Variants in ATP1A4 observed in about 807,000 individuals in gnomAD.
The protein encoded by ATP1A4 is ATPase Na+/K+ transporting subunit alpha 4, also known as sodium/potassium-transporting ATPase subunit alpha-4.
A neutral mutation model predicts 114.3 loss-of-function variants in ATP1A4; 90 were observed. The ratio of observed to expected loss-of-function variants is 0.79; its 90% CI spans 0.66 to 0.94. ATP1A4 has a LOEUF of 0.94. ATP1A4 is among the 40% of genes least tolerant of loss of function. The probability of loss-of-function intolerance (pLI) is 0.00; values close to 1 mark genes in which losing one functional copy is unlikely to be tolerated. For synonymous variants in ATP1A4, 511 were observed against 494.1 expected (o/e 1.03, Z -0.45); for missense variants, 1,222 against 1,313.6 (o/e 0.93, Z 1.08).
chr1:160,173,542 A>G (rs1653341306), intron 12 of ATP1A4, 39 bp from the exon 13 acceptor site: 2 of 1,600,770 alleles, frequency 1.2e-6, no homozygotes, highest in African/African-American at 2.7e-5. Context: ...CGGGCTCTGA[A>G]GATGATTCTG....
chr1:160,173,650 GA>G lies in ATP1A4; in HGVS notation c.1926del (p.Gly643AlafsTer34). 6.2e-7 allele frequency: 1 copy of G among 1,614,174 alleles called. No individual in the cohort carries two copies. Among genetic ancestry groups the G allele is most frequent in the Non-Finnish European group, 8.5e-7 (1 of 1,180,038 alleles). Reference sequence around the variant, plus strand: ...TGCCAAGGGTGTGGGCATCATCTCAGAAGGCACTGAGACGGCAGAGGAAGTC... The same window carrying G: ...TGCCAAGGGTGTGGGCATCATCTCAGAGGCACTGAGACGGCAGAGGAAGTC... ...AIAKGVGIIS[E>X]GTETAEEVAA... On this transcript the variant is annotated frameshift_variant, in exon 13 of 22. Transcript: ENST00000368081. LOFTEE classifies it high-confidence loss of function.
In ATP1A4 at chr1:160,154,900, A is replaced by T. The variant is rs1224750674; in HGVS notation, c.208-145A>T. The T allele has an allele frequency of 5.5e-6, 4 of 724,848 alleles. No individual in the cohort carries two copies. In the African/African-American group the frequency reaches 7.0e-5, roughly 13 times the overall value. 44.9% of individuals were successfully genotyped at this position (724,848 alleles called of 1,614,324 possible). A position where few individuals can be genotyped will look rare whatever the true frequency, so the allele number is the denominator to read the frequency against. On this transcript the variant is annotated intron_variant, in intron 2 of 21. Coordinates refer to ENST00000368081, the MANE Select transcript of ATP1A4 (RefSeq NM_144699.4). Reference sequence around the variant, plus strand: ...AATGCAAATTTTGAAACCTCACCTTATCCAGGAAGAACTTCCAGACTGACC... The same window carrying T: ...AATGCAAATTTTGAAACCTCACCTTTTCCAGGAAGAACTTCCAGACTGACC...
chr1:160,154,724 G>A (rs1286692512), intron 2 of ATP1A4, among the ~76,000 whole-genome samples: 2 of 152,054 alleles, frequency 1.3e-5, no homozygotes, highest in Non-Finnish European at 2.9e-5. Flanking sequence ...TCTCCCCACT[G>A]GAGCACCTTA....
intron 7 of ATP1A4, among the ~76,000 whole-genome samples, chr1:160,165,633 G>C (rs1653002766): frequency 6.6e-6 from 1 of 151,842 alleles, no homozygotes; most frequent in Non-Finnish European, 1.5e-5. Flanking sequence ...CATGGTGGCT[G>C]GCGCCTGTAG....
intron 7 of ATP1A4, 24 bp from the exon 8 acceptor site, chr1:160,166,504 T>A (rs1303192797): frequency 6.8e-6 from 11 of 1,613,466 alleles, no homozygotes; most frequent in Non-Finnish European, 9.3e-6. Context: ...CCATGTGTAT[T>A]CTCTCCTCTC....
intron 1 of ATP1A4, 124 bp from the exon 2 acceptor site, chr1:160,153,041 G>T (rs751450881): frequency 4.8e-5 from 36 of 755,520 alleles, no homozygotes; most frequent in Middle Eastern, 4.8e-4. Context: ...AAAAAGAATT[G>T]CAGGGAGCTT....
chr1:160,181,717 T>A lies in ATP1A4; in HGVS notation c.2770T>A (p.Cys924Ser), dbSNP rs780196294. Residue 924 changes from cysteine to serine, a missense_variant, in exon 19 of 22, where the codon TGC becomes AGC. Coordinates refer to ENST00000368081, the MANE Select transcript of ATP1A4 (RefSeq NM_144699.4). The stretch of plus-strand genomic sequence containing the variant: ...GCAACGAAAAGTTGTGGAGTTCACA[T>A]GCCAAACGGCCTTTTTTGTCACCAT... ...YEQRKVVEFT[C>S]QTAFFVTIVV... 2 of 1,614,180 alleles carry A rather than the reference T, an allele frequency of 1.2e-6. No homozygotes were observed. Among genetic ancestry groups the A allele is most frequent in the South Asian group, 2.2e-5 (2 of 91,082 alleles).
At chr1:160,161,947 G>A (rs1049578904) in intron 6 of ATP1A4, among the ~76,000 whole-genome samples, 1 of 152,262 alleles carries the variant, frequency 6.6e-6, no homozygotes, top group East Asian at 1.9e-4. Flanking sequence ...GTCTATATTG[G>A]TCCTACTGGA....
At chr1:160,167,729 T>C (rs73025548) in intron 10 of ATP1A4, among the ~76,000 whole-genome samples, 3,382 of 152,332 alleles carry the variant, frequency 0.022, 124 homozygotes, top group African/African-American at 0.078. Flanking sequence ...AAAGTCATGT[T>C]AGAGTCACAT....
intron 18 of ATP1A4, among the ~76,000 whole-genome samples, chr1:160,178,018 C>T (rs1264315307): frequency 5.3e-5 from 8 of 152,244 alleles, no homozygotes; most frequent in African/African-American, 1.7e-4. Context: ...AATGCTGGGT[C>T]CTCTCCTCTT....
At chr1:160,171,496 C>G (rs625129) in intron 11 of ATP1A4, 56 bp downstream of exon 11, 767,593 of 1,602,212 alleles carry the variant, frequency 0.48, 186,210 homozygotes, top group East Asian at 0.61. Flanking sequence ...GTTATTATCC[C>G]TGGGGTGAGA....
intron 6 of ATP1A4, among the ~76,000 whole-genome samples, chr1:160,161,115 G>A (rs1274329042): frequency 3.9e-5 from 6 of 152,160 alleles, no homozygotes; most frequent in Non-Finnish European, 8.8e-5. Context: ...TGGCCAAGAA[G>A]GTGGAGCTAG....
Position 160,159,149 on chromosome 1 carries a change from C to G in ATP1A4, c.660+13C>G, listed in dbSNP as rs775195224. 5.0e-6 allele frequency: 8 copies of G among 1,611,760 alleles called. No homozygotes were observed. The African/African-American group carries it at 9.4e-5, about 19-fold the overall frequency. On this transcript the variant is annotated intron_variant, in intron 5 of 21. Coordinates refer to ENST00000368081, the MANE Select transcript of ATP1A4 (RefSeq NM_144699.4). ...ACAAGGATGTAAGGTGAGGGGATGCCGAAAGCTATGTGAGGGACCCAAGCG... is the reference window on the plus strand; with the variant it reads ...ACAAGGATGTAAGGTGAGGGGATGCGGAAAGCTATGTGAGGGACCCAAGCG...
At chr1:160,157,152 G>A (rs1213932358) in intron 4 of ATP1A4, among the ~76,000 whole-genome samples, 4 of 152,186 alleles carry the variant, frequency 2.6e-5, no homozygotes, top group African/African-American at 9.7e-5. Flanking sequence ...TTCTGTGCCA[G>A]AGGAGAAAGT....
chr1:160,185,451 C>T (rs922270577), intron 20 of ATP1A4, among the ~76,000 whole-genome samples: 5 of 151,968 alleles, frequency 3.3e-5, no homozygotes, highest in Non-Finnish European at 7.4e-5. Flanking sequence ...CCTCTCCTCT[C>T]CACTCCCGAT....
Position 160,166,666 on chromosome 1 carries a change from G to A in ATP1A4, c.1186G>A (p.Val396Ile), listed in dbSNP as rs142592649. 9.9e-6 allele frequency: 16 copies of A among 1,614,064 alleles called. No homozygotes were observed. The highest frequency in any genetic ancestry group is 6.7e-5 in the African/African-American group (5 of 74,936). ...TGTLTQNRMT[V>I]AHMWFDMTVY... ...CACCCTCACCCAGAACCGCATGACC[G>A]TCGCCCACATGTGGTTTGATATGAC... Residue 396 changes from valine (V) to isoleucine (I), a missense_variant, in exon 8 of 22, where the codon GTC becomes ATC. Transcript: ENST00000368081.
chr1:160,174,497 T>C (rs924991757), intron 14 of ATP1A4, 82 bp from the exon 15 acceptor site: 1 of 1,547,514 alleles, frequency 6.5e-7, no homozygotes, highest in Admixed American at 1.9e-5. Flanking sequence ...AAACAAGGGA[T>C]GCAGAAAGCG....
intron 18 of ATP1A4, among the ~76,000 whole-genome samples, chr1:160,178,504 A>G (rs1280796027): frequency 6.6e-6 from 1 of 151,932 alleles, no homozygotes; most frequent in Non-Finnish European, 1.5e-5. Context: ...GTGAAACCCC[A>G]TCTCTACTAA....
intron 17 of ATP1A4, among the ~76,000 whole-genome samples, chr1:160,177,198 C>G (rs562763374): frequency 6.6e-6 from 1 of 152,182 alleles, no homozygotes; most frequent in African/African-American, 2.4e-5. Context: ...GAGTGATGAA[C>G]AGAGTAAGAT....
Sources: allele counts gnomAD v4.1 joint callset (sites outside exome capture counted in the v4.1 genomes callset), GRCh38; gene constraint gnomAD v4.1.1; transcripts MANE v1.5; gene names NCBI Gene and HGNC (gene_info 2026-07-23, HGNC 2026-07-21).